DLGAP2: variants seen among roughly 807,000 people sequenced by gnomAD.
DLGAP2 encodes the protein disks large-associated protein 2.
A neutral mutation model predicts 100.3 loss-of-function variants in DLGAP2; 26 were observed. The observed-to-expected ratio is 0.26, with a 90% CI of 0.19 to 0.36. The LOEUF (loss-of-function observed/expected upper bound fraction) is 0.36, where lower values mean the gene tolerates loss of function less well. Among genes scored for constraint, DLGAP2 ranks in the 10% least tolerant of loss-of-function variants. DLGAP2 has a pLI of 1.00. For missense variants in DLGAP2, 1,858 were observed against 1,453.2 expected (o/e 1.28, Z -4.53); for synonymous variants, 886 against 630.1 (o/e 1.41, Z -6.08).
intron 4 of DLGAP2, among the ~76,000 whole-genome samples, chr8:1,543,413 T>A (rs1801428132): frequency 6.6e-6 from 1 of 152,170 alleles, no homozygotes; most frequent in Admixed American, 6.5e-5. Flanking sequence ...GTGTAGAAAT[T>A]GGGTTATCCT....
At chr8:830,307 C>A (rs1048657093) in intron 1 of DLGAP2, among the ~76,000 whole-genome samples, 23 of 152,144 alleles carry the variant, frequency 1.5e-4, no homozygotes, top group Non-Finnish European at 7.3e-5. Context: ...TACAAACAAT[C>A]CAATTATACC....
chr8:1,259,741 G>T (rs1799307164), intron 3 of DLGAP2: 1 of 152,152 alleles, frequency 6.6e-6, no homozygotes, highest in Non-Finnish European at 1.5e-5. Context: ...TATACTCAGG[G>T]TCACAGAAGC....
intron 10 of DLGAP2, among the ~76,000 whole-genome samples, chr8:1,675,817 G>A (rs1180619473): frequency 1.3e-5 from 2 of 151,664 alleles, no homozygotes. Context: ...TTTCCTACTT[G>A]GTTTGGTTTT....
At chr8:1,335,371 AAGAC>A (rs1201423182) in intron 3 of DLGAP2, among the ~76,000 whole-genome samples, 5 of 152,162 alleles carry the variant, frequency 3.3e-5, no homozygotes, top group Non-Finnish European at 5.9e-5. Flanking sequence ...TTTTCACTCT[AAGAC>A]AGTCCTGTTC....
intron 1 of DLGAP2, among the ~76,000 whole-genome samples, chr8:836,764 A>C (rs1252755380): frequency 6.6e-6 from 1 of 152,118 alleles, no homozygotes; most frequent in Non-Finnish European, 1.5e-5. Context: ...TGTGAACACC[A>C]CGTTAACAAG....
intron 2 of DLGAP2, among the ~76,000 whole-genome samples, chr8:958,751 C>G (rs1282159345): frequency 6.6e-6 from 1 of 151,984 alleles, no homozygotes. Context: ...TTAGTTGAAC[C>G]AAGTCTTCAA....
At chr8:953,188 CT>C (rs1275839745) in intron 2 of DLGAP2, among the ~76,000 whole-genome samples, 32 of 151,958 alleles carry the variant, frequency 2.1e-4, no homozygotes, top group East Asian at 1.9e-4. Context: ...TTCTATGTTT[CT>C]TTTTTTTCTT....
chr8:1,424,702 C>T (rs879630922), intron 3 of DLGAP2, among the ~76,000 whole-genome samples: 1 of 152,186 alleles, frequency 6.6e-6, no homozygotes, highest in African/African-American at 2.4e-5. Flanking sequence ...GATGCACAGA[C>T]AGAAGGCCGG....
chr8:1,340,248 A>C (rs1801388445), intron 3 of DLGAP2, among the ~76,000 whole-genome samples: 1 of 152,250 alleles, frequency 6.6e-6, no homozygotes, highest in East Asian at 1.9e-4. Context: ...GATTTAATTA[A>C]ACTAAGGAGC....
intron 3 of DLGAP2, among the ~76,000 whole-genome samples, chr8:1,479,998 GA>G (rs1563173500): frequency 6.6e-6 from 1 of 152,170 alleles, no homozygotes; most frequent in Non-Finnish European, 1.5e-5. Flanking sequence ...GTTTTACATA[GA>G]TTAGTCCTCA....
At chr8:1,155,932 G>T (rs946429027) in intron 2 of DLGAP2, among the ~76,000 whole-genome samples, 1 of 152,208 alleles carries the variant, frequency 6.6e-6, no homozygotes, top group Non-Finnish European at 1.5e-5. Flanking sequence ...GAGCTTCGGG[G>T]CTCGGGGAGG....
At chr8:807,548 C>A (rs7011547) in intron 1 of DLGAP2, among the ~76,000 whole-genome samples, 1 of 102,536 alleles carries the variant, frequency 9.8e-6, no homozygotes, top group South Asian at 3.9e-4. Context: ...CTCATTCATA[C>A]GTTCTCTCTC....
At chr8:1,287,686 T>G (rs2116963080) in intron 3 of DLGAP2, among the ~76,000 whole-genome samples, 2 of 114,654 alleles carry the variant, frequency 1.7e-5, no homozygotes, top group Non-Finnish European at 3.4e-5. Flanking sequence ...GGGAACTAGT[T>G]TCGGTTCAGT....
intron 2 of DLGAP2, among the ~76,000 whole-genome samples, chr8:1,240,459 T>C (rs1798762795): frequency 6.9e-6 from 1 of 145,328 alleles, no homozygotes; most frequent in African/African-American, 2.6e-5. Context: ...CCATGTCTAG[T>C]TCTCTCACAT....
At chr8:1,372,842 C>G (rs1290055438) in intron 3 of DLGAP2, among the ~76,000 whole-genome samples, 1 of 152,234 alleles carries the variant, frequency 6.6e-6, no homozygotes, top group African/African-American at 2.4e-5. Flanking sequence ...AAATTCATTT[C>G]AATGCCAGAA....
chr8:1,253,203 T>G (rs57588995), intron 2 of DLGAP2, among the ~76,000 whole-genome samples: 2 of 152,124 alleles, frequency 1.3e-5, no homozygotes. Flanking sequence ...CTTGGCTTCG[T>G]CCTGAGGAGC....
At chr8:1,205,953 C>G (rs7009597) in intron 2 of DLGAP2, among the ~76,000 whole-genome samples, 85,996 of 152,046 alleles carry the variant, frequency 0.57, 26,695 homozygotes, top group African/African-American at 0.83. Context: ...AGGAGAGTGA[C>G]TACAGCCTGG....
In DLGAP2 at chr8:766,299, T is replaced by C. The variant is rs1206954622; in HGVS notation, c.18+28474T>C. On this transcript the variant is annotated intron_variant, in intron 1 of 14. Transcript: ENST00000637795. ...TACATAACATCTGCCCCAAACCCTT[T>C]CCCAGTCAGCTCGTCACCCTGCGGT... Among the ~76,000 whole-genome samples the C allele has an allele frequency of 3.3e-5, 5 of 152,194 alleles. No individual in the cohort carries two copies. The East Asian group carries it at 9.6e-4, about 29-fold the overall frequency.
At position 1,067,219 on chromosome 8, in the gene DLGAP2, C is replaced by T. The variant is rs541377514; in HGVS notation, c.73+159253C>T. ...CTGCTGGCCTGGATCCAAGTCCCAT[C>T]TGACCCCCAGTTCCTGGGCTTCCTC... On this transcript the variant is annotated intron_variant, in intron 2 of 14. Coordinates refer to ENST00000637795, the MANE Select transcript of DLGAP2 (RefSeq NM_001346810.2). 2.0e-5 allele frequency among the ~76,000 whole-genome samples: 3 copies of T among 152,362 alleles called. No homozygotes were observed. In the East Asian group the frequency reaches 5.8e-4, roughly 29 times the overall value.
Sources: allele counts gnomAD v4.1 joint callset (sites outside exome capture counted in the v4.1 genomes callset), GRCh38; gene constraint gnomAD v4.1.1; transcripts MANE v1.5; gene names NCBI Gene and HGNC (gene_info 2026-07-23, HGNC 2026-07-21).